The following CAPZA1 variants were observed in gnomAD, a reference collection of about 807,000 sequenced individuals.
CAPZA1 encodes the protein F-actin-capping protein subunit alpha-1.
Under a neutral mutation model 40.8 loss-of-function variants are expected in CAPZA1, and 10 were observed. The observed-to-expected ratio is 0.25, with a 90% CI of 0.15 to 0.42. CAPZA1 has a LOEUF of 0.42. Among genes scored for constraint, CAPZA1 ranks in the 10% least tolerant of loss-of-function variants. The pLI is 1.00. For missense variants in CAPZA1, 277 were observed against 353.8 expected, an observed-to-expected ratio of 0.78 and a Z score of 1.74; for synonymous variants, 98 against 115.0, an observed-to-expected ratio of 0.85 and a Z score of 0.95.
rs377292807 is a variant in CAPZA1, at chr1:112,619,854, T to G, written c.10T>G (p.Phe4Val). The G allele has an allele frequency of 5.6e-6, 9 of 1,613,252 alleles. No homozygotes were observed. The highest frequency in any genetic ancestry group is 6.8e-6 in the Non-Finnish European group (8 of 1,179,646). The change falls in exon 1 of 10, where the codon TTC (phenylalanine) becomes GTC (valine). Residue 4 changes from phenylalanine to valine, a missense_variant. Coordinates refer to ENST00000263168, the MANE Select transcript of CAPZA1 (RefSeq NM_006135.3). MAD[F>V]DDRVSDEEKV... ...GCCAGAACAGCCCAAGATGGCCGAC[T>G]TCGATGATCGTGTGTCGGATGAGGA...
At chr1:112,644,156 G>T (rs10745331) in intron 1 of CAPZA1, among the ~76,000 whole-genome samples, 107,431 of 139,612 alleles carry the variant, frequency 0.77, 41,339 homozygotes, top group South Asian at 0.88. Context: ...AAATTGCTGG[G>T]TTTTTTTTTC....
intron 7 of CAPZA1, among the ~76,000 whole-genome samples, chr1:112,660,372 C>G (rs1037250832): frequency 1.3e-5 from 2 of 152,214 alleles, no homozygotes; most frequent in Non-Finnish European, 2.9e-5. Flanking sequence ...TCTCTGGCTC[C>G]TGGGTTCAGG....
At chr1:112,666,192 T>C (rs1057172063) in intron 7 of CAPZA1, among the ~76,000 whole-genome samples, 2 of 152,242 alleles carry the variant, frequency 1.3e-5, no homozygotes, top group Admixed American at 6.5e-5. Flanking sequence ...ACACTCCTTT[T>C]TTACACATAT....
intron 7 of CAPZA1, 120 bp downstream of exon 7, chr1:112,659,899 A>G: frequency 1.4e-6 from 1 of 700,616 alleles, no homozygotes; most frequent in African/African-American, 1.8e-5. Flanking sequence ...ATGGCAGTGA[A>G]TAGAAATAGA....
intron 5 of CAPZA1, among the ~76,000 whole-genome samples, chr1:112,658,010 A>G (rs1671532339): frequency 1.3e-5 from 2 of 152,210 alleles, no homozygotes; most frequent in African/African-American, 4.8e-5. Flanking sequence ...CTTCGGTGTC[A>G]CAAAAACAGT....
chr1:112,641,293 T>G (rs1419599516), intron 1 of CAPZA1, among the ~76,000 whole-genome samples: 3 of 152,108 alleles, frequency 2.0e-5, no homozygotes, highest in Non-Finnish European at 4.4e-5. Context: ...AACATTATAT[T>G]TCTTATAACT....
intron 7 of CAPZA1, among the ~76,000 whole-genome samples, chr1:112,661,761 A>G (rs1340225075): frequency 2.0e-5 from 3 of 152,240 alleles, no homozygotes; most frequent in African/African-American, 7.2e-5. Flanking sequence ...AAACCTATAA[A>G]ATAAGAGCAC....
At chr1:112,649,536 C>A in intron 3 of CAPZA1, 67 bp downstream of exon 3, 1 of 1,244,558 alleles carries the variant, frequency 8.0e-7, no homozygotes, top group Non-Finnish European at 1.2e-6. Context: ...TGACAGTAAA[C>A]TAGCACCCTG....
rs35996522 is a variant in CAPZA1, at chr1:112,652,479, C to CAAA, written c.156-1104_156-1102dup. 8.2e-5 allele frequency among the ~76,000 whole-genome samples: 6 copies of CAAA among 73,390 alleles called. No individual in the cohort carries two copies. In the East Asian group the frequency reaches 9.1e-4, roughly 11 times the overall value. 48.1% of individuals were successfully genotyped at this position (73,390 alleles called of 152,430 possible). ...GGGCAACAAGAGCTAAACTCCATCTCAAAAAAAAAAAAAAAAAGCTTTAAA... is the reference window on the plus strand; with the variant it reads ...GGGCAACAAGAGCTAAACTCCATCTCAAAAAAAAAAAAAAAAAAAAGCTTTAAA... On this transcript the variant is annotated intron_variant, in intron 3 of 9. Transcript: ENST00000263168.
chr1:112,659,180 G>A, intron 6 of CAPZA1, 79 bp downstream of exon 6: 1 of 904,100 alleles, frequency 1.1e-6, no homozygotes, highest in East Asian at 2.4e-5. Flanking sequence ...CAACTAGCTT[G>A]GAATAATTAT....
rs373450531 is a variant in CAPZA1 at position 112,647,289 on chromosome 1, T to C, written c.103+16T>C. On this transcript the variant is annotated intron_variant, in intron 2 of 9. Coordinates refer to ENST00000263168, the MANE Select transcript of CAPZA1 (RefSeq NM_006135.3). ...GTATTCAATGGTGAGTAAAGATTAG[T>C]ATTTTAATCCCTCCTTAATTACCAT... The C allele has an allele frequency of 1.1e-5, 15 of 1,353,202 alleles. No individual in the cohort carries two copies. The African/African-American group carries it at 1.9e-4, about 17-fold the overall frequency. 83.8% of individuals were successfully genotyped at this position (1,353,202 alleles called of 1,614,324 possible).
intron 1 of CAPZA1, among the ~76,000 whole-genome samples, chr1:112,642,707 T>TA (rs1671197485): frequency 6.6e-6 from 1 of 152,226 alleles, no homozygotes; most frequent in Non-Finnish European, 1.5e-5. Context: ...GGTGAATTAT[T>TA]ACTTTTTTAT....
intron 7 of CAPZA1, among the ~76,000 whole-genome samples, chr1:112,664,791 C>T (rs1020500678): frequency 4.6e-5 from 7 of 152,118 alleles, no homozygotes; most frequent in East Asian, 1.9e-4. Flanking sequence ...AAAAGTTAGC[C>T]GGGCGTGGTT....
At chr1:112,645,592 C>T (rs941832408) in intron 1 of CAPZA1, among the ~76,000 whole-genome samples, 1 of 152,130 alleles carries the variant, frequency 6.6e-6, no homozygotes, top group Non-Finnish European at 1.5e-5. Flanking sequence ...TAGGATCACA[C>T]CACTGCACTC....
At chr1:112,634,938 C>T (rs1670987085) in intron 1 of CAPZA1, among the ~76,000 whole-genome samples, 1 of 152,140 alleles carries the variant, frequency 6.6e-6, no homozygotes, top group Non-Finnish European at 1.5e-5. Context: ...ATCTTTAAAA[C>T]TGAGAACATT....
intron 1 of CAPZA1, among the ~76,000 whole-genome samples, chr1:112,629,278 T>C (rs1670874789): frequency 6.6e-6 from 1 of 152,252 alleles, no homozygotes; most frequent in Non-Finnish European, 1.5e-5. Flanking sequence ...TCATTTCAGA[T>C]ACTTAACCAG....
intron 2 of CAPZA1, among the ~76,000 whole-genome samples, chr1:112,648,196 T>C (rs1374860376): frequency 3.3e-5 from 5 of 152,134 alleles, no homozygotes; most frequent in South Asian, 2.1e-4. Context: ...TAAGATATAA[T>C]AGAAGTAAAT....
rs564859396 is a variant in CAPZA1, at chr1:112,670,864, T to C, written c.*732T>C. 2 of 152,794 alleles carry C rather than the reference T, an allele frequency of 1.3e-5. No homozygotes were observed. Among genetic ancestry groups the C allele is most frequent in the Non-Finnish European group, 2.9e-5 (2 of 68,020 alleles). The allele number at this position is 152,794 out of a possible 1,614,324, so 9.5% of individuals were successfully genotyped here. ...TGTAGTTATAAACATCTGCATTTTT[T>C]AGAAGCATTTTACCCATTTATTTTT... On this transcript the variant is annotated 3_prime_UTR_variant, in exon 10 of 10. Coordinates refer to ENST00000263168, the MANE Select transcript of CAPZA1 (RefSeq NM_006135.3).
Position 112,670,306 on chromosome 1 carries a change from T to C in CAPZA1, c.*174T>C. 4 of 614,136 alleles carry C rather than the reference T, an allele frequency of 6.5e-6. No individual in the cohort carries two copies. Among genetic ancestry groups the C allele is most frequent in the Non-Finnish European group, 1.1e-5 (4 of 359,204 alleles). 38.0% of individuals were successfully genotyped at this position (614,136 alleles called of 1,614,324 possible). ...CTATAGCGTTGTCTTGATTCTTTTGTGTTCTCTGCCTTGTAATTTTCTGTT... is the reference window on the plus strand; with the variant it reads ...CTATAGCGTTGTCTTGATTCTTTTGCGTTCTCTGCCTTGTAATTTTCTGTT... On this transcript the variant is annotated 3_prime_UTR_variant, in exon 10 of 10. Transcript: ENST00000263168.
Sources: allele counts gnomAD v4.1 joint callset (sites outside exome capture counted in the v4.1 genomes callset), GRCh38; gene constraint gnomAD v4.1.1; transcripts MANE v1.5; gene names NCBI Gene and HGNC (gene_info 2026-07-23, HGNC 2026-07-21).